The following ARSL variants were observed in gnomAD, a reference collection of about 807,000 sequenced individuals.
ARSL encodes the protein arylsulfatase E (chondrodysplasia punctata 1).
ARSL carries 4 observed loss-of-function variants against 31.1 expected under a neutral mutation model. That is an observed-to-expected ratio of 0.13 (90% CI 0.06 to 0.29). ARSL has a LOEUF of 0.29. ARSL is among the 10% of genes least tolerant of loss of function. The pLI is 1.00. For synonymous variants in ARSL, 198 were observed against 209.9 expected (o/e 0.94, Z 0.49); for missense variants, 312 against 497.8 (o/e 0.63, Z 3.55).
chrX:2,939,864 CTTTTTTTTT>C, intron 8 of ARSL, among the ~76,000 whole-genome samples: 1 of 55,423 alleles, frequency 1.8e-5, no homozygotes, highest in South Asian at 1.7e-3. Context: ...ACCCTTCTAC[CTTTTTTTTT>C]TTTTTTTTTT....
At chrX:2,966,409 T>C (rs370481781), upstream of ARSL, among the ~76,000 whole-genome samples, 20 of 109,917 alleles carry the variant, frequency 1.8e-4, no homozygotes, top group East Asian at 5.0e-3. Flanking sequence ...TTTTAATTTA[T>C]ATATTCATAA....
At chrX:2,943,431 A>G (rs958769386) in intron 7 of ARSL, among the ~76,000 whole-genome samples, 1 of 111,072 alleles carries the variant, frequency 9.0e-6, no homozygotes, top group African/African-American at 3.3e-5. Flanking sequence ...CAAGGACAAA[A>G]TATCAAAAAC....
intron 1 of ARSL, among the ~76,000 whole-genome samples, chrX:2,963,165 C>T (rs2089661837): frequency 1.8e-5 from 2 of 111,705 alleles, no homozygotes; most frequent in African/African-American, 3.3e-5. Flanking sequence ...TTTATTTGTT[C>T]GTTTGTTTTA....
chrX:2,942,967 G>C (rs1355406812), intron 8 of ARSL, 98 bp downstream of exon 8: 1 of 1,095,417 alleles, frequency 9.1e-7, no homozygotes, highest in Non-Finnish European at 1.3e-6. Context: ...CTGTCCCTGA[G>C]CAATAATATT....
At chrX:2,958,804 T>C in intron 2 of ARSL, among the ~76,000 whole-genome samples, 1 of 111,173 alleles carries the variant, frequency 9.0e-6, no homozygotes, top group East Asian at 2.8e-4. Context: ...CTGCGCAACA[T>C]GGTGAAAACT....
intron 6 of ARSL, among the ~76,000 whole-genome samples, chrX:2,948,857 C>T (rs1019026307): frequency 2.7e-5 from 3 of 111,391 alleles, no homozygotes; most frequent in South Asian, 3.8e-4. Context: ...CATCTATGCC[C>T]CATTCTTACC....
intron 8 of ARSL, among the ~76,000 whole-genome samples, chrX:2,938,669 C>T (rs192817653): frequency 4.2e-4 from 46 of 109,801 alleles, no homozygotes; most frequent in African/African-American, 1.5e-3. Context: ...CCTAGAGCCT[C>T]AAGAAGAAAG....
intron 10 of ARSL, among the ~76,000 whole-genome samples, chrX:2,935,660 A>G (rs1421758303): frequency 9.5e-6 from 1 of 105,570 alleles, no homozygotes; most frequent in Non-Finnish European, 1.9e-5. Flanking sequence ...AATTGCACTC[A>G]GTCAGTTTTT....
chrX:2,938,000 G>C, intron 9 of ARSL, 95 bp downstream of exon 9: 1 of 1,149,396 alleles, frequency 8.7e-7, no homozygotes. Context: ...CAATTTCAGG[G>C]ACGCCTTACT....
intron 5 of ARSL, among the ~76,000 whole-genome samples, chrX:2,951,874 G>GTTTT (rs63021261): frequency 1.1e-4 from 9 of 84,193 alleles, no homozygotes; most frequent in African/African-American, 4.2e-4. Context: ...CCCAGAATTT[G>GTTTT]TTTTTTTTTT....
chrX:2,934,894 G>A lies in ARSL; in HGVS notation c.1708C>T (p.Leu570=). 1 of 1,201,659 alleles carries A rather than the reference G, an allele frequency of 8.3e-7. No individual in the cohort carries two copies. Among genetic ancestry groups the A allele is most frequent in the East Asian group, 3.0e-5 (1 of 33,753 alleles). ...GGGAACGGGCCACAGCAGGGCTGCA[G>A]CCACGGTCTCCAGATGTTGCCCAGC... The part of the protein sequence containing the change: ...DRLGNIWRPW[L]QPCCGPFPLC... The change falls in exon 11 of 11, where the codon CTG becomes TTG. Residue 570 remains leucine, a synonymous_variant. Transcript: ENST00000381134.
At chrX:2,965,329 T>C (rs1021530375), upstream of ARSL, among the ~76,000 whole-genome samples, 21 of 104,634 alleles carry the variant, frequency 2.0e-4, no homozygotes, top group African/African-American at 7.0e-4. Context: ...GGTGAAACCC[T>C]GTCTCTGCTA....
At chrX:2,965,553 G>A (rs1244987173), upstream of ARSL, among the ~76,000 whole-genome samples, 3 of 103,675 alleles carry the variant, frequency 2.9e-5, no homozygotes, top group Admixed American at 1.0e-4. Flanking sequence ...AAAAAAATAA[G>A]CAAAAAAAAA....
At chrX:2,957,725 A>G (rs2089546329) in intron 3 of ARSL, among the ~76,000 whole-genome samples, 1 of 108,371 alleles carries the variant, frequency 9.2e-6, no homozygotes, top group Non-Finnish European at 1.9e-5. Context: ...AAAAAAAAAA[A>G]GAAAAGAAAT....
At chrX:2,968,101 A>C (rs1275235913), upstream of ARSL, 1 of 1,151,239 alleles carries the variant, frequency 8.7e-7, no homozygotes, top group African/African-American at 1.8e-5. Flanking sequence ...GCGTCTCTGC[A>C]CGTGCAAAAG....
Position 2,953,185 on chromosome X carries a change from C to T in ARSL, c.388G>A (p.Ala130Thr). ...TAGCCTTTCTCTTTCAGTATTTTTG[C>T]AAAAGTTGTCTCATTTGTTGGAAGA... The part of the protein sequence containing the change: ...GGLPTNETTF[A>T]KILKEKGYAT... The change falls in exon 5 of 11, where the codon GCA becomes ACA. Residue 130 changes from alanine (A) to threonine (T), a missense_variant. Physicochemically the swap from Ala to Thr is moderately conservative, Grantham distance 58. Coordinates refer to ENST00000381134, the MANE Select transcript of ARSL (RefSeq NM_000047.3). 4 of 1,210,572 alleles carry T rather than the reference C, an allele frequency of 3.3e-6. No individual in the cohort carries two copies. In the South Asian group the frequency reaches 5.3e-5, roughly 16 times the overall value.
intron 5 of ARSL, 44 bp downstream of exon 5, chrX:2,953,099 C>T (rs1221288957): frequency 6.7e-6 from 8 of 1,192,993 alleles, no homozygotes; most frequent in Non-Finnish European, 9.1e-6. Flanking sequence ...AATGTCCCTT[C>T]CATATAAAAG....
chrX:2,938,484 T>A (rs2089235907), intron 8 of ARSL, among the ~76,000 whole-genome samples: 1 of 111,721 alleles, frequency 9.0e-6, no homozygotes, highest in African/African-American at 3.3e-5. Flanking sequence ...TTGTTATTGG[T>A]TAGTGTGCAT....
At chrX:2,949,050 G>A (rs780377187) in intron 6 of ARSL, among the ~76,000 whole-genome samples, 9 of 110,647 alleles carry the variant, frequency 8.1e-5, no homozygotes, top group African/African-American at 1.6e-4. Context: ...AGCCTCCCGA[G>A]TAGCTGGGAT....
Sources: allele counts gnomAD v4.1 joint callset (sites outside exome capture counted in the v4.1 genomes callset), GRCh38; gene constraint gnomAD v4.1.1; transcripts MANE v1.5; gene names NCBI Gene and HGNC (gene_info 2026-07-23, HGNC 2026-07-21).